Variants in DNAI7 observed in about 807,000 individuals in gnomAD.
DNAI7 encodes the protein cancer susceptibility 1.
In DNAI7, 78 loss-of-function variants were observed where a neutral mutation model predicts 86.6. That is an observed-to-expected ratio of 0.90 (90% CI 0.75 to 1.09). DNAI7 has a LOEUF of 1.09. Among genes scored for constraint, DNAI7 ranks in the 50% least tolerant of loss-of-function variants. The pLI is 0.00. For missense variants in DNAI7, 753 were observed against 810.2 expected, an observed-to-expected ratio of 0.93 and a Z score of 0.86; for synonymous variants, 274 against 273.0, an observed-to-expected ratio of 1.00 and a Z score of -0.04.
downstream of DNAI7, chr12:25,108,204 T>C (rs879078061): frequency 2.3e-6 from 2 of 887,312 alleles, no homozygotes; most frequent in East Asian, 5.2e-5. Context: ...TTCCTCTTTT[T>C]GCCTTTATCT....
chr12:25,111,297 G>T (rs1429510337), intron 14 of DNAI7, among the ~76,000 whole-genome samples: 1 of 152,148 alleles, frequency 6.6e-6, no homozygotes, highest in African/African-American at 2.4e-5. Context: ...TAACCTGGAA[G>T]GATCTTACTG....
At position 25,116,663 on chromosome 12, in the gene DNAI7, C is replaced by T. The variant is rs1940173513; in HGVS notation, c.1397-1793G>A. 7.2e-5 allele frequency among the ~76,000 whole-genome samples: 11 copies of T among 152,276 alleles called. No individual in the cohort carries two copies. The South Asian group carries it at 2.3e-3, about 32-fold the overall frequency. ...TACAGGCACGTGACACCACGCCTGG[C>T]TAATTTTTTTAAGTAGAGACAGGGT... On this transcript the variant is annotated intron_variant, in intron 12 of 15. Coordinates refer to ENST00000395987, the MANE Select transcript of DNAI7 (RefSeq NM_018272.5).
chr12:25,118,369 T>TTC (rs1217466450), intron 12 of DNAI7, among the ~76,000 whole-genome samples: 1 of 151,248 alleles, frequency 6.6e-6, no homozygotes, highest in Non-Finnish European at 1.5e-5. Flanking sequence ...GATCAAGCTA[T>TTC]TCTCCTGCCT....
intron 2 of DNAI7, among the ~76,000 whole-genome samples, chr12:25,186,414 C>CA (rs1364737980): frequency 1.3e-5 from 2 of 151,796 alleles, no homozygotes; most frequent in African/African-American, 2.4e-5. Flanking sequence ...ATGATAGTAC[C>CA]AAAAAAATCT....
chr12:25,160,530 C>A (rs1040959075), intron 3 of DNAI7, among the ~76,000 whole-genome samples: 1 of 152,184 alleles, frequency 6.6e-6, no homozygotes, highest in East Asian at 1.9e-4. Flanking sequence ...AGCGCTCACC[C>A]CGTCATTCTC....
rs571530258 is a variant in DNAI7, at chr12:25,129,257, T to G, written c.1003-5971A>C. ...CCTGTTTAATTTGGTGCATGAATGATTACTATATGGTATTTTCTACTTTTT... is the reference window on the plus strand; with the variant it reads ...CCTGTTTAATTTGGTGCATGAATGAGTACTATATGGTATTTTCTACTTTTT... On this transcript the variant is annotated intron_variant, in intron 9 of 15. Transcript: ENST00000395987. Among the ~76,000 whole-genome samples the G allele has an allele frequency of 6.0e-4, 91 of 152,328 alleles. No individual in the cohort carries two copies. In the Middle Eastern group the frequency reaches 0.014, roughly 23 times the overall value.
intron 6 of DNAI7, among the ~76,000 whole-genome samples, chr12:25,153,055 A>G (rs1365672042): frequency 1.3e-5 from 2 of 152,098 alleles, no homozygotes; most frequent in Non-Finnish European, 2.9e-5. Flanking sequence ...ATGCCTGTCA[A>G]CTGCTCTTTC....
intron 1 of DNAI7, 76 bp downstream of exon 1, chr12:25,195,000 G>A: frequency 6.2e-7 from 1 of 1,614,128 alleles, no homozygotes. Flanking sequence ...ACTGGCTCTT[G>A]ATTACATTAT....
rs1042241942 is a variant in DNAI7, at chr12:25,119,511, G to C, written c.1240-210C>G. 2.0e-5 allele frequency among the ~76,000 whole-genome samples: 3 copies of C among 152,200 alleles called. No individual in the cohort carries two copies. The South Asian group carries it at 6.2e-4, about 32-fold the overall frequency. On this transcript the variant is annotated intron_variant, in intron 11 of 15. Transcript: ENST00000395987. ...ATATGAATGTACAGAACTTCCTATGGGCCAGATTGTGTGGTGGGGCTTCCT... is the reference window on the plus strand; with the variant it reads ...ATATGAATGTACAGAACTTCCTATGCGCCAGATTGTGTGGTGGGGCTTCCT...
chr12:25,147,391 C>T (rs1798785436), intron 7 of DNAI7, among the ~76,000 whole-genome samples: 1 of 152,042 alleles, frequency 6.6e-6, no homozygotes, highest in South Asian at 2.1e-4. Context: ...GTGGCTCATA[C>T]CTGTAATCTG....
rs151059642 is a variant in DNAI7 at position 25,123,337 on chromosome 12, C to T, written c.1003-51G>A. On this transcript the variant is annotated intron_variant, in intron 9 of 15. Coordinates refer to ENST00000395987, the MANE Select transcript of DNAI7 (RefSeq NM_018272.5). ...TGTGATTGTCAGTGTCTACATAGTA[C>T]AGTCATTGTCTTTGTGTTCCAGTCC... 5,059 of 1,231,396 alleles carry T rather than the reference C, an allele frequency of 4.1e-3. 23 individuals carry two copies. The highest frequency in any genetic ancestry group is 5.5e-3 in the Middle Eastern group (29 of 5,258). The allele number at this position is 1,231,396 out of a possible 1,614,324, so 76.3% of individuals were successfully genotyped here. A position where few individuals can be genotyped will look rare whatever the true frequency, so the allele number is the denominator to read the frequency against.
At chr12:25,174,395 T>TATGA (rs1565810399) in intron 2 of DNAI7, among the ~76,000 whole-genome samples, 1 of 1,668 alleles carries the variant, frequency 6.0e-4, no homozygotes, top group African/African-American at 6.0e-3. Context: ...ATGGGATATA[T>TATGA]CATATATATG....
chr12:25,134,856 C>A (rs1010655553), intron 9 of DNAI7, among the ~76,000 whole-genome samples: 1 of 152,150 alleles, frequency 6.6e-6, no homozygotes, highest in Non-Finnish European at 1.5e-5. Flanking sequence ...TAATTGATGA[C>A]AAATATTGAG....
chr12:25,180,181 T>C (rs1949367387), intron 2 of DNAI7, among the ~76,000 whole-genome samples: 1 of 152,190 alleles, frequency 6.6e-6, no homozygotes, highest in Admixed American at 6.6e-5. Flanking sequence ...CAATCCCATT[T>C]ACAACAGTCA....
chr12:25,145,885 T>C (rs1944765768), intron 8 of DNAI7, among the ~76,000 whole-genome samples: 2 of 152,188 alleles, frequency 1.3e-5, no homozygotes, highest in South Asian at 4.1e-4. Context: ...TTGAAAACTA[T>C]TGGGGAAATA....
intron 2 of DNAI7, among the ~76,000 whole-genome samples, chr12:25,169,662 A>G (rs959190491): frequency 6.6e-6 from 1 of 152,140 alleles, no homozygotes; most frequent in African/African-American, 2.4e-5. Context: ...AGCCTGGCCA[A>G]CATGGTGAAA....
rs1203307744 is a variant in DNAI7 at position 25,149,631 on chromosome 12, G to A, written c.582C>T (p.Leu194=). 2.5e-6 allele frequency: 4 copies of A among 1,599,640 alleles called. No homozygotes were observed. Among genetic ancestry groups the A allele is most frequent in the Non-Finnish European group, 3.4e-6 (4 of 1,173,216 alleles). The change falls in exon 7 of 16, where the codon CTC becomes CTT. Residue 194 remains leucine, a synonymous_variant. Coordinates refer to ENST00000395987, the MANE Select transcript of DNAI7 (RefSeq NM_018272.5). ...ATAAGCAAAATATCACACTTACTTT[G>A]AGAAGTATTTCTGTGGCTACACCGA... The part of the protein sequence containing the change: ...LKFGVATEIL[L]KQASTLADLD...
rs1356569995 is a variant in DNAI7 at position 25,144,605 on chromosome 12, A to G, written c.762T>C (p.Ile254=). ...EIPRILATSD[I]AVRLLHTHYD... is the part of the protein sequence containing the mutation. ...AGTGGGTATGCAGGAGTCGTACAGC[A>G]ATGTCACTTGTTGCTAATATCCTTG... The change falls in exon 9 of 16, where the codon ATT becomes ATC. Residue 254 remains isoleucine, a synonymous_variant. Coordinates refer to ENST00000395987, the MANE Select transcript of DNAI7 (RefSeq NM_018272.5). The G allele has an allele frequency of 6.2e-7, 1 of 1,614,106 alleles. No individual in the cohort carries two copies. Among genetic ancestry groups the G allele is most frequent in the Non-Finnish European group, 8.5e-7 (1 of 1,179,980 alleles).
At chr12:25,193,934 G>A (rs1296896195) in intron 1 of DNAI7, among the ~76,000 whole-genome samples, 2 of 151,870 alleles carry the variant, frequency 1.3e-5, no homozygotes, top group African/African-American at 2.4e-5. Flanking sequence ...CGATTCTCTT[G>A]CTTCAGCCCC....
Sources: allele counts gnomAD v4.1 joint callset (sites outside exome capture counted in the v4.1 genomes callset), GRCh38; gene constraint gnomAD v4.1.1; transcripts MANE v1.5; gene names NCBI Gene and HGNC (gene_info 2026-07-23, HGNC 2026-07-21).